MYSM1: variants seen among roughly 807,000 people sequenced by gnomAD.
MYSM1 encodes deubiquitinase MYSM1.
A neutral mutation model predicts 116.0 loss-of-function variants in MYSM1; 51 were observed. That is an observed-to-expected ratio of 0.44 (90% CI 0.35 to 0.56). MYSM1 has a LOEUF of 0.56. Among genes scored for constraint, MYSM1 ranks in the 20% least tolerant of loss-of-function variants. The pLI is 0.00. For missense variants in MYSM1, 900 were observed against 974.9 expected (o/e 0.92, Z 1.02); for synonymous variants, 313 against 315.2 (o/e 0.99, Z 0.07).
chr1:58,677,197 T>C (rs1644667497), intron 8 of MYSM1, 141 bp from the exon 9 acceptor site: 6 of 573,440 alleles, frequency 1.0e-5, no homozygotes, highest in Non-Finnish European at 1.7e-5. Flanking sequence ...ACAATACTAA[T>C]ACATAATACC....
In MYSM1 at chr1:58,659,454, T is replaced by C. The variant is rs2100581193; in HGVS notation, c.*543A>G. ...AATTTAGTTCTCTCCTTTGGGTTTT[T>C]CCTGTTTTTAAGATTTTCTTGTCAT... On this transcript the variant is annotated 3_prime_UTR_variant, in exon 20 of 20. Transcript: ENST00000472487. 6.6e-6 allele frequency: 1 copy of C among 152,318 alleles called. No individual in the cohort carries two copies. The highest frequency in any genetic ancestry group is 1.5e-5 in the Non-Finnish European group (1 of 68,024). 9.4% of individuals were successfully genotyped at this position (152,318 alleles called of 1,614,324 possible).
rs1644510170 is a variant in MYSM1 at position 58,668,702 on chromosome 1, A to G, written c.1717-20T>C. The G allele has an allele frequency of 6.3e-7, 1 of 1,590,262 alleles. No individual in the cohort carries two copies. Among genetic ancestry groups the G allele is most frequent in the East Asian group, 2.2e-5 (1 of 44,522 alleles). Reference sequence around the variant, plus strand: ...TGGCTCCTGAAATATAAAAAACAAAACAAAACGGGGGAGCATAAAAATAGA... The same window carrying G: ...TGGCTCCTGAAATATAAAAAACAAAGCAAAACGGGGGAGCATAAAAATAGA... On this transcript the variant is annotated intron_variant, in intron 13 of 19. Coordinates refer to ENST00000472487, the MANE Select transcript of MYSM1 (RefSeq NM_001085487.3).
At chr1:58,664,003 T>C (rs568943432) in intron 17 of MYSM1, among the ~76,000 whole-genome samples, 2 of 152,246 alleles carry the variant, frequency 1.3e-5, no homozygotes, top group Non-Finnish European at 1.5e-5. Flanking sequence ...TTATTTTACA[T>C]ATTTTGTCCA....
At chr1:58,685,130 C>T (rs2100658482) in intron 7 of MYSM1, 23 bp downstream of exon 7, 4 of 1,502,102 alleles carry the variant, frequency 2.7e-6, no homozygotes, top group East Asian at 2.3e-5. Flanking sequence ...CATTATTAAC[C>T]AGGATACTGA....
intron 17 of MYSM1, among the ~76,000 whole-genome samples, chr1:58,662,209 A>C (rs977931964): frequency 6.6e-6 from 1 of 152,122 alleles, no homozygotes; most frequent in Non-Finnish European, 1.5e-5. Context: ...GAGGAAAGAA[A>C]GAAGCCCAAG....
At chr1:58,661,536 T>C (rs1330802448) in intron 17 of MYSM1, 25 bp from the exon 18 acceptor site, 1 of 1,241,044 alleles carries the variant, frequency 8.1e-7, no homozygotes, top group African/African-American at 1.5e-5. Flanking sequence ...AGAAGCACAT[T>C]GTCATCAACT....
In MYSM1 at chr1:58,673,509, G is replaced by C. The variant is rs1644595818; in HGVS notation, c.1572+64C>G. ...ACAAGTACAATACATATGACATTAA[G>C]ATGTACAAATATATATTTAAAAACC... On this transcript the variant is annotated intron_variant, in intron 11 of 19. Transcript: ENST00000472487. 4.0e-6 allele frequency: 5 copies of C among 1,237,346 alleles called. No homozygotes were observed. The South Asian group carries it at 6.2e-5, about 15-fold the overall frequency. 76.6% of individuals were successfully genotyped at this position (1,237,346 alleles called of 1,614,324 possible).
rs751098033 is a variant in MYSM1, at chr1:58,667,830, T to A, written c.1842+17A>T. On this transcript the variant is annotated intron_variant, in intron 15 of 19. Transcript: ENST00000472487. Reference sequence around the variant, plus strand: ...GGACTAAATAACTAAAACATTTTTTTAAAAGAGAGAACTTACTTCAACTAC... The same window carrying A: ...GGACTAAATAACTAAAACATTTTTTAAAAAGAGAGAACTTACTTCAACTAC... 6.7e-5 allele frequency: 101 copies of A among 1,516,364 alleles called. No homozygotes were observed. In the East Asian group the frequency reaches 2.0e-3, roughly 30 times the overall value. 93.9% of individuals were successfully genotyped at this position (1,516,364 alleles called of 1,614,324 possible). A position where few individuals can be genotyped will look rare whatever the true frequency, so the allele number is the denominator to read the frequency against.
At position 58,689,028 on chromosome 1, in the gene MYSM1, C is replaced by G; in HGVS notation, c.399+10G>C. The stretch of plus-strand genomic sequence containing the variant: ...TTATTTTACTAAAAATTTAAAATTG[C>G]TCTATTTACCAGCCCTTGTTCAAAC... On this transcript the variant is annotated intron_variant, in intron 6 of 19. Transcript: ENST00000472487. 1 of 1,594,234 alleles carries G rather than the reference C, an allele frequency of 6.3e-7. No homozygotes were observed. The highest frequency in any genetic ancestry group is 1.4e-5 in the African/African-American group (1 of 73,620).
rs780300189 is a variant in MYSM1 at position 58,669,086 on chromosome 1, A to C, written c.1662-48T>G. The C allele has an allele frequency of 2.3e-6, 3 of 1,322,514 alleles. No homozygotes were observed. In the Admixed American group the frequency reaches 7.0e-5, roughly 31 times the overall value. The allele number at this position is 1,322,514 out of a possible 1,614,324, so 81.9% of individuals were successfully genotyped here. ...AATACAATCTCAACAAGATTAGGAA[A>C]ATAACATTTATTTGTAAATCTGAAA... On this transcript the variant is annotated intron_variant, in intron 12 of 19. Transcript: ENST00000472487.
At chr1:58,674,872 A>G (rs1270992062) in intron 10 of MYSM1, among the ~76,000 whole-genome samples, 2 of 150,330 alleles carry the variant, frequency 1.3e-5, no homozygotes, top group African/African-American at 4.9e-5. Context: ...GCTTGCAGTG[A>G]GCCGAGATGG....
chr1:58,667,715 T>A (rs1048272342), intron 15 of MYSM1, 132 bp downstream of exon 15: 1 of 612,410 alleles, frequency 1.6e-6, no homozygotes. Flanking sequence ...TATAACTTGC[T>A]ACATTTGCAT....
intron 6 of MYSM1, among the ~76,000 whole-genome samples, chr1:58,685,780 G>C (rs2100660400): frequency 6.6e-6 from 1 of 152,282 alleles, no homozygotes; most frequent in East Asian, 1.9e-4. Context: ...CACAAATGAG[G>C]AAGTCCTGCA....
chr1:58,663,242 CAT>C, intron 17 of MYSM1, among the ~76,000 whole-genome samples: 1 of 152,188 alleles, frequency 6.6e-6, no homozygotes, highest in South Asian at 2.1e-4. Context: ...AACATGAAAA[CAT>C]ACACACAAAT....
At chr1:58,661,281 A>G (rs758778742) in intron 18 of MYSM1, 54 bp from the exon 19 acceptor site, 6 of 1,440,500 alleles carry the variant, frequency 4.2e-6, no homozygotes, top group Non-Finnish European at 5.9e-6. Context: ...TAAACTAATC[A>G]GTTTCATAAT....
intron 1 of MYSM1, among the ~76,000 whole-genome samples, chr1:58,696,186 G>C (rs900961135): frequency 3.3e-5 from 5 of 152,148 alleles, no homozygotes; most frequent in African/African-American, 1.2e-4. Context: ...GGTAAATAAA[G>C]GATTCTGAGA....
Position 58,662,659 on chromosome 1 carries a change from G to GA in MYSM1, c.2165-1149dup, listed in dbSNP as rs142606111. 6.8e-3 allele frequency among the ~76,000 whole-genome samples: 978 copies of GA among 143,984 alleles called. 3 individuals are homozygous for GA. Among genetic ancestry groups the GA allele is most frequent in the East Asian group, 0.02 (99 of 5,034 alleles). The allele number at this position is 143,984 out of a possible 152,430, so 94.5% of individuals were successfully genotyped here. ...AAATGCCAGCAAATCAGAAGGCATG[G>GA]AAAAAAAAAAGGGGAAAAATACAAT... On this transcript the variant is annotated intron_variant, in intron 17 of 19. Coordinates refer to ENST00000472487, the MANE Select transcript of MYSM1 (RefSeq NM_001085487.3).
In MYSM1 at chr1:58,657,325, G is replaced by C. The variant is rs993707725; in HGVS notation, c.*2672C>G. The C allele has an allele frequency of 6.6e-6, 1 of 151,986 alleles. No homozygotes were observed. Among genetic ancestry groups the C allele is most frequent in the Non-Finnish European group, 1.5e-5 (1 of 68,002 alleles). The allele number at this position is 151,986 out of a possible 1,614,324, so 9.4% of individuals were successfully genotyped here. On this transcript the variant is annotated 3_prime_UTR_variant, in exon 20 of 20. Coordinates refer to ENST00000472487, the MANE Select transcript of MYSM1 (RefSeq NM_001085487.3). Reference sequence around the variant, plus strand: ...GATGAAGACACCTGCATGTCTTTAAGTCCTTTAGTCCTTTCTCCACTTCTG... The same window carrying C: ...GATGAAGACACCTGCATGTCTTTAACTCCTTTAGTCCTTTCTCCACTTCTG...
Position 58,658,210 on chromosome 1 carries a change from A to C in MYSM1, c.*1787T>G, listed in dbSNP as rs1644343374. 1 of 152,122 alleles carries C rather than the reference A, an allele frequency of 6.6e-6. No individual in the cohort carries two copies. The highest frequency in any genetic ancestry group is 1.5e-5 in the Non-Finnish European group (1 of 68,030). 9.4% of individuals were successfully genotyped at this position (152,122 alleles called of 1,614,324 possible). On this transcript the variant is annotated 3_prime_UTR_variant, in exon 20 of 20. Coordinates refer to ENST00000472487, the MANE Select transcript of MYSM1 (RefSeq NM_001085487.3). ...AAGTTGGTAACAGAGTTAGGGTAAG[A>C]GCTCAGGTTTCCTGACTTTTGGTAT...
Sources: allele counts gnomAD v4.1 joint callset (sites outside exome capture counted in the v4.1 genomes callset), GRCh38; gene constraint gnomAD v4.1.1; transcripts MANE v1.5; gene names NCBI Gene and HGNC (gene_info 2026-07-23, HGNC 2026-07-21).